RFX3: variants seen among roughly 807,000 people sequenced by gnomAD.
RFX3 encodes the protein regulatory factor X3, also known as transcription factor RFX3.
Under a neutral mutation model 98.6 loss-of-function variants are expected in RFX3, and 14 were observed. The observed-to-expected ratio is 0.14, with a 90% confidence interval of 0.09 to 0.22. The LOEUF (loss-of-function observed/expected upper bound fraction) is 0.22, where lower values mean the gene tolerates loss of function less well. Ranked by LOEUF, RFX3 falls within the 10% of genes least tolerant of loss-of-function variation. The pLI, the probability that RFX3 is intolerant of heterozygous loss-of-function variation, is 1.00. For synonymous variants in RFX3, 383 were observed against 328.4 expected (o/e 1.17, Z -1.80); for missense variants, 639 against 926.9 (o/e 0.69, Z 4.03).
At chr9:3,328,545 A>G (rs1832195672) in intron 4 of RFX3, among the ~76,000 whole-genome samples, 1 of 152,158 alleles carries the variant, frequency 6.6e-6, no homozygotes, top group African/African-American at 2.4e-5. Flanking sequence ...GGAAGAGACA[A>G]CAAATACACA....
chr9:3,271,022 T>C lies in RFX3; in HGVS notation c.1183A>G (p.Thr395Ala), dbSNP rs758113818. 5 of 1,613,636 alleles carry C rather than the reference T, an allele frequency of 3.1e-6. No individual in the cohort carries two copies. The highest frequency in any genetic ancestry group is 4.2e-6 in the Non-Finnish European group (5 of 1,179,622). The change falls in exon 10 of 17, where the codon ACT becomes GCT. Residue 395 changes from threonine (T) to alanine (A), a missense_variant. Thr to Ala is a moderately conservative substitution (Grantham distance 58, BLOSUM62 0). Around this residue, in one of 9 missense-constraint regions of RFX3, gnomAD observed 30 missense variants for 23.0 expected, o/e 1.30. Transcript: ENST00000617270. ...RYSPSTPTDG[T>A]TITESSNLSE... Reference sequence around the variant, plus strand: ...TCTGACCTCGATTCGGTAATGGTAGTGCCATCAGTTGGAGTAGAGGGAGAA... The same window carrying C: ...TCTGACCTCGATTCGGTAATGGTAGCGCCATCAGTTGGAGTAGAGGGAGAA...
chr9:3,390,220 A>T (rs1363658939), intron 2 of RFX3, among the ~76,000 whole-genome samples: 1 of 152,160 alleles, frequency 6.6e-6, no homozygotes, highest in Non-Finnish European at 1.5e-5. Context: ...AGGTGATTGA[A>T]TCATGTTGGG....
At chr9:3,274,164 A>C (rs1824898067) in intron 9 of RFX3, among the ~76,000 whole-genome samples, 1 of 152,166 alleles carries the variant, frequency 6.6e-6, no homozygotes, top group African/African-American at 2.4e-5. Context: ...GTTAATAAGG[A>C]GAGAACCTGC....
At chr9:3,289,147 C>A (rs763145801) in intron 6 of RFX3, among the ~76,000 whole-genome samples, 1 of 152,042 alleles carries the variant, frequency 6.6e-6, no homozygotes, top group Non-Finnish European at 1.5e-5. Context: ...AATACATCAG[C>A]ACTTTTTCCA....
chr9:3,334,425 G>A (rs556931589), intron 3 of RFX3, among the ~76,000 whole-genome samples: 2 of 152,288 alleles, frequency 1.3e-5, no homozygotes, highest in East Asian at 1.9e-4. Flanking sequence ...AGGGATCACT[G>A]CAGCTTTTGG....
intron 1 of RFX3, among the ~76,000 whole-genome samples, chr9:3,519,855 G>T (rs191099920): frequency 2.6e-5 from 4 of 151,184 alleles, no homozygotes; most frequent in African/African-American, 9.7e-5. Context: ...CAAATATAAA[G>T]ATTTTGAAGC....
intron 3 of RFX3, among the ~76,000 whole-genome samples, chr9:3,336,313 C>G (rs1833170581): frequency 1.3e-5 from 2 of 151,854 alleles, no homozygotes; most frequent in Admixed American, 1.3e-4. Context: ...ATGACCTCTA[C>G]TATTATTAGG....
intron 14 of RFX3, among the ~76,000 whole-genome samples, chr9:3,251,250 G>A (rs1821356562): frequency 6.6e-6 from 1 of 152,128 alleles, no homozygotes; most frequent in Non-Finnish European, 1.5e-5. Flanking sequence ...GTAAACAACT[G>A]GATCCCAATT....
chr9:3,305,774 G>C (rs1387359615), intron 4 of RFX3, among the ~76,000 whole-genome samples: 1 of 151,978 alleles, frequency 6.6e-6, no homozygotes, highest in African/African-American at 2.4e-5. Flanking sequence ...TAAAATGTTA[G>C]TGAATTAGGA....
At chr9:3,376,199 G>T (rs80041988) in intron 2 of RFX3, among the ~76,000 whole-genome samples, 1 of 152,130 alleles carries the variant, frequency 6.6e-6, no homozygotes, top group Non-Finnish European at 1.5e-5. Context: ...GTTTGACAAA[G>T]ATGTCAAGCA....
At chr9:3,227,235 A>T (rs1443720765) in intron 16 of RFX3, among the ~76,000 whole-genome samples, 1 of 152,228 alleles carries the variant, frequency 6.6e-6, no homozygotes, top group South Asian at 2.1e-4. Context: ...AGTGGAGACA[A>T]AGTGAGGAAA....
intron 9 of RFX3, among the ~76,000 whole-genome samples, chr9:3,271,971 G>C (rs1824548542): frequency 6.6e-6 from 1 of 151,582 alleles, no homozygotes; most frequent in Admixed American, 6.6e-5. Context: ...CAAATCTCGG[G>C]GGCCTCACCT....
At chr9:3,260,904 ATC>A (rs201784787) in intron 13 of RFX3, among the ~76,000 whole-genome samples, 3 of 149,754 alleles carry the variant, frequency 2.0e-5, no homozygotes, top group East Asian at 1.9e-4. Flanking sequence ...ATAGATATAG[ATC>A]TCTCTCTCTA....
chr9:3,323,543 A>G (rs765774010), intron 4 of RFX3, among the ~76,000 whole-genome samples: 2 of 152,122 alleles, frequency 1.3e-5, no homozygotes, highest in Non-Finnish European at 2.9e-5. Flanking sequence ...CAAAAGATAT[A>G]TAAGAGGTTG....
intron 1 of RFX3, among the ~76,000 whole-genome samples, chr9:3,468,264 A>G (rs554690639): frequency 6.6e-6 from 1 of 152,326 alleles, no homozygotes; most frequent in South Asian, 2.1e-4. Flanking sequence ...TGTAAGTATC[A>G]TTCTTAAATA....
intron 4 of RFX3, among the ~76,000 whole-genome samples, chr9:3,305,079 C>G (rs1283875810): frequency 1.3e-5 from 2 of 151,926 alleles, no homozygotes; most frequent in Non-Finnish European, 1.5e-5. Context: ...TGGAAGTGTT[C>G]AGGGGGTAAA....
intron 1 of RFX3, among the ~76,000 whole-genome samples, chr9:3,396,518 T>C (rs954659874): frequency 6.6e-6 from 1 of 152,224 alleles, no homozygotes. Flanking sequence ...CGTGTGTCTT[T>C]ATAGCAGCAT....
intron 3 of RFX3, among the ~76,000 whole-genome samples, chr9:3,343,561 C>T (rs1039496653): frequency 9.9e-5 from 15 of 151,972 alleles, no homozygotes; most frequent in African/African-American, 3.6e-4. Flanking sequence ...TACAGAAAGA[C>T]CAAAATAGCT....
intron 13 of RFX3, among the ~76,000 whole-genome samples, chr9:3,258,198 T>G (rs1822385911): frequency 6.6e-6 from 1 of 152,138 alleles, no homozygotes; most frequent in Non-Finnish European, 1.5e-5. Flanking sequence ...ATGAAAAATT[T>G]TAAGCTGGGT....
Sources: allele counts gnomAD v4.1 joint callset (sites outside exome capture counted in the v4.1 genomes callset), GRCh38; gene constraint gnomAD v4.1.1; regional missense constraint gnomAD v4.1.1; transcripts MANE v1.5; gene names NCBI Gene and HGNC (gene_info 2026-07-23, HGNC 2026-07-21).